The following CSGALNACT1 variants were observed in gnomAD, a reference collection of about 807,000 sequenced individuals.
CSGALNACT1 encodes the protein beta4GalNAcT-1.
CSGALNACT1 carries 52 observed loss-of-function variants against 51.0 expected under a neutral mutation model. The observed-to-expected ratio is 1.02, with a 90% CI of 0.82 to 1.29. The LOEUF (loss-of-function observed/expected upper bound fraction) is 1.29, where lower values mean the gene tolerates loss of function less well. Ranked by LOEUF, CSGALNACT1 falls within the 50% of genes most tolerant of loss-of-function variation. CSGALNACT1 has a pLI of 0.00. For missense variants in CSGALNACT1, 935 were observed against 679.2 expected, an observed-to-expected ratio of 1.38 and a Z score of -4.19; for synonymous variants, 341 against 254.4, an observed-to-expected ratio of 1.34 and a Z score of -3.24.
At chr8:19,575,892 T>G (rs2044095204) in intron 3 of CSGALNACT1, among the ~76,000 whole-genome samples, 1 of 152,148 alleles carries the variant, frequency 6.6e-6, no homozygotes, top group South Asian at 2.1e-4. Context: ...TGTACCATAC[T>G]TTTCTATCTT....
chr8:19,719,575 T>C (rs1479736645), intron 1 of CSGALNACT1, among the ~76,000 whole-genome samples: 1 of 152,166 alleles, frequency 6.6e-6, no homozygotes, highest in African/African-American at 2.4e-5. Flanking sequence ...CCAAAATAGT[T>C]GTGTGATGAT....
At chr8:19,420,488 G>T (rs775352955) in exon 7 of CSGALNACT1, 12 of 1,614,140 alleles carry the variant, frequency 7.4e-6, no homozygotes, top group Non-Finnish European at 1.0e-5. Context: ...CATTCAGCTG[G>T]ATGAAGGTAA....
chr8:19,611,896 G>T (rs1026122503), intron 1 of CSGALNACT1, among the ~76,000 whole-genome samples: 1 of 151,898 alleles, frequency 6.6e-6, no homozygotes, highest in East Asian at 1.9e-4. Flanking sequence ...GACTGTAAAC[G>T]TGGGCAAGCC....
chr8:19,416,928 TCTC>T (rs2057003723), intron 8 of CSGALNACT1, among the ~76,000 whole-genome samples: 1 of 152,014 alleles, frequency 6.6e-6, no homozygotes, highest in Non-Finnish European at 1.5e-5. Context: ...AGTGGTGCGA[TCTC>T]AGCTCACTAC....
intron 1 of CSGALNACT1, among the ~76,000 whole-genome samples, chr8:19,641,128 CTTTTTTTTTTTTTT>C (rs56681695): frequency 3.0e-5 from 3 of 99,978 alleles, no homozygotes; most frequent in African/African-American, 1.1e-4. Flanking sequence ...GGTGACTGGT[CTTTTTTTTTTTTTT>C]TTTTTTTTTT....
intron 4 of CSGALNACT1, among the ~76,000 whole-genome samples, chr8:19,485,958 G>T (rs1213118722): frequency 1.3e-5 from 2 of 151,208 alleles, no homozygotes; most frequent in African/African-American, 4.9e-5. Context: ...TAAAGACAGG[G>T]TTTCTCCATG....
intron 3 of CSGALNACT1, among the ~76,000 whole-genome samples, chr8:19,539,365 CTTAT>C (rs1166017970): frequency 1.3e-5 from 2 of 152,240 alleles, no homozygotes; most frequent in East Asian, 3.9e-4. Context: ...TATTAATGTT[CTTAT>C]TTATTATCTG....
intron 6 of CSGALNACT1, among the ~76,000 whole-genome samples, chr8:19,427,891 G>C (rs1320037813): frequency 6.6e-6 from 1 of 152,194 alleles, no homozygotes; most frequent in Non-Finnish European, 1.5e-5. Flanking sequence ...CACAAGGCAA[G>C]TGAGGAAGGG....
chr8:19,457,027 C>A (rs1363502867), intron 5 of CSGALNACT1, among the ~76,000 whole-genome samples: 2 of 152,182 alleles, frequency 1.3e-5, no homozygotes, highest in East Asian at 1.9e-4. Context: ...AACTTCCTAT[C>A]CAGAGATGAT....
intron 4 of CSGALNACT1, among the ~76,000 whole-genome samples, chr8:19,495,523 G>C (rs918907952): frequency 1.3e-5 from 2 of 152,118 alleles, no homozygotes; most frequent in Non-Finnish European, 2.9e-5. Flanking sequence ...CACCTCGCAG[G>C]GATCAGTGAG....
intron 1 of CSGALNACT1, among the ~76,000 whole-genome samples, chr8:19,660,546 G>T (rs1333445282): frequency 6.6e-6 from 1 of 152,100 alleles, no homozygotes; most frequent in East Asian, 1.9e-4. Flanking sequence ...GGTGATTTGG[G>T]GGTAACTGTA....
chr8:19,527,142 C>A (rs2081883652), intron 3 of CSGALNACT1, among the ~76,000 whole-genome samples: 1 of 152,182 alleles, frequency 6.6e-6, no homozygotes. Context: ...GTAACAGATC[C>A]ATGAAAGGAT....
chr8:19,602,166 G>C (rs28440957), exon 1 of CSGALNACT1: 2,252 of 205,008 alleles, frequency 0.011, 55 homozygotes, highest in African/African-American at 0.05. Context: ...GATCTCGCAG[G>C]AAAGAAACGT....
At chr8:19,656,291 C>G (rs1193116975) in intron 1 of CSGALNACT1, among the ~76,000 whole-genome samples, 1 of 152,158 alleles carries the variant, frequency 6.6e-6, no homozygotes, top group Admixed American at 6.5e-5. Context: ...GGAAAAAGAT[C>G]TATCCTAAAA....
upstream of CSGALNACT1, among the ~76,000 whole-genome samples, chr8:19,684,887 A>G (rs1374287883): frequency 6.6e-6 from 1 of 152,220 alleles, no homozygotes; most frequent in East Asian, 1.9e-4. Flanking sequence ...TTTCATATCC[A>G]TGTTGTATGC....
At chr8:19,578,834 T>C (rs1188356375) in intron 3 of CSGALNACT1, among the ~76,000 whole-genome samples, 1 of 152,134 alleles carries the variant, frequency 6.6e-6, no homozygotes, top group Non-Finnish European at 1.5e-5. Context: ...AATCCCAACA[T>C]TTTTGAGTCT....
At position 19,687,966 on chromosome 8, in the gene CSGALNACT1, A is replaced by G. The variant is rs536349654; in HGVS notation, c.-297+69884T>C. Among the ~76,000 whole-genome samples the G allele has an allele frequency of 2.6e-5, 4 of 152,332 alleles. No individual in the cohort carries two copies. In the East Asian group the frequency reaches 7.7e-4, roughly 29 times the overall value. On this transcript the variant is annotated intron_variant, in intron 1 of 1. Transcript: ENST00000517494. ...CTGACTTACAGGATGACAAATAATC[A>G]GTTTCTTACATCCGTGTTGTGGTTT...
intron 5 of CSGALNACT1, 130 bp downstream of exon 4, chr8:19,458,296 G>A: frequency 1.1e-6 from 1 of 873,984 alleles, no homozygotes; most frequent in Non-Finnish European, 2.0e-6. Flanking sequence ...TTTACGTGGA[G>A]AAAACAGAGC....
At chr8:19,608,461 A>G (rs903558661) in intron 1 of CSGALNACT1, among the ~76,000 whole-genome samples, 1 of 152,182 alleles carries the variant, frequency 6.6e-6, no homozygotes, top group African/African-American at 2.4e-5. Flanking sequence ...ACCATCTCCC[A>G]AGTTACCTTC....
Sources: gnomAD v4.1 joint callset for allele counts (sites outside exome capture counted in the v4.1 genomes callset) on GRCh38, gnomAD v4.1.1 for gene constraint, MANE v1.5 for transcripts, NCBI Gene and HGNC (gene_info 2026-07-23, HGNC 2026-07-21) for gene names.